Variants in DMD observed in about 807,000 individuals in gnomAD.
DMD encodes the protein mutant dystrophin.
Under a neutral mutation model 330.1 loss-of-function variants are expected in DMD, and 63 were observed. That is an observed-to-expected ratio of 0.19 (90% CI 0.16 to 0.24). The LOEUF is 0.24. Ranked by LOEUF, DMD falls within the 10% of genes least tolerant of loss-of-function variation. DMD has a pLI of 1.00. For synonymous variants in DMD, 1,223 were observed against 959.8 expected (o/e 1.27, Z -5.07); for missense variants, 3,344 against 2,684.1 (o/e 1.25, Z -5.43).
At position 31,670,914 on chromosome X, in the gene DMD, C is replaced by CT. The variant is rs751198197; in HGVS notation, c.7872+8460dup. Among the ~76,000 whole-genome samples, 658 of 96,619 alleles carry CT rather than the reference C, an allele frequency of 6.8e-3. 7 individuals carry two copies. Among genetic ancestry groups the CT allele is most frequent in the Admixed American group, 0.033 (297 of 8,976 alleles). 83.9% of individuals were successfully genotyped at this position (96,619 alleles called of 115,157 possible). A position where few individuals can be genotyped will look rare whatever the true frequency, so the allele number is the denominator to read the frequency against. Reference sequence around the variant, plus strand: ...GACACTATTCAATCCACAAAACCTTCTTTTTTTTTTTTTTTTTAGACGGAG... The same window carrying CT: ...GACACTATTCAATCCACAAAACCTTCTTTTTTTTTTTTTTTTTTAGACGGAG... On this transcript the variant is annotated intron_variant, in intron 53 of 78. Coordinates refer to ENST00000357033, the MANE Select transcript of DMD (RefSeq NM_004006.3).
chrX:32,656,203 G>A (rs1002898611), intron 9 of DMD, among the ~76,000 whole-genome samples: 45 of 111,880 alleles, frequency 4.0e-4, no homozygotes, highest in African/African-American at 1.3e-3. Context: ...TCATTAAGAC[G>A]TAAATGGGCA....
At chrX:31,776,670 CAGGA>C (rs2090685083) in intron 50 of DMD, among the ~76,000 whole-genome samples, 2 of 106,976 alleles carry the variant, frequency 1.9e-5, no homozygotes, top group African/African-American at 3.4e-5. Flanking sequence ...GGCAGGAAGG[CAGGA>C]AGGAAGGAAG....
chrX:32,060,721 A>T (rs182427969), intron 44 of DMD, among the ~76,000 whole-genome samples: 73 of 111,824 alleles, frequency 6.5e-4, no homozygotes, highest in African/African-American at 1.9e-3. Context: ...GGAGTATTTG[A>T]AAAAGAGACA....
chrX:31,712,946 T>C (rs5972436), intron 52 of DMD, among the ~76,000 whole-genome samples: 46,339 of 109,991 alleles, frequency 0.42, 7,989 homozygotes, highest in African/African-American at 0.62. Flanking sequence ...TATGATTTCT[T>C]CCTCAATTAG....
At chrX:32,851,774 T>C (rs1419922406) in intron 2 of DMD, among the ~76,000 whole-genome samples, 4 of 111,817 alleles carry the variant, frequency 3.6e-5, no homozygotes, top group African/African-American at 1.3e-4. Flanking sequence ...TGTGAAACGT[T>C]GCATTGGAAC....
At chrX:32,142,471 C>A (rs2096758378) in intron 44 of DMD, among the ~76,000 whole-genome samples, 3 of 112,282 alleles carry the variant, frequency 2.7e-5, no homozygotes, top group Admixed American at 1.9e-4. Flanking sequence ...ACAGAAAAGT[C>A]GAGAGCATTA....
At chrX:31,331,427 T>C (rs2057114326) in intron 61 of DMD, among the ~76,000 whole-genome samples, 2 of 108,834 alleles carry the variant, frequency 1.8e-5, no homozygotes, top group African/African-American at 6.7e-5. Flanking sequence ...TTGGGCGGCA[T>C]TACTCATGAA....
chrX:31,811,496 TA>T (rs1261162250), intron 50 of DMD, among the ~76,000 whole-genome samples: 2 of 112,372 alleles, frequency 1.8e-5, no homozygotes, highest in African/African-American at 6.5e-5. Flanking sequence ...TATGAATTTT[TA>T]AATTAATTAA....
chrX:31,993,709 C>CA (rs2095565548), intron 44 of DMD, among the ~76,000 whole-genome samples: 1 of 111,834 alleles, frequency 8.9e-6, no homozygotes, highest in Non-Finnish European at 1.9e-5. Context: ...TTAACAAAGA[C>CA]AAAAATGTGG....
intron 1 of DMD, among the ~76,000 whole-genome samples, chrX:33,282,461 G>C (rs2053350308): frequency 9.0e-6 from 1 of 111,453 alleles, no homozygotes; most frequent in South Asian, 3.8e-4. Flanking sequence ...TCCTGCACTA[G>C]GCCACTTAGA....
rs768871885 is a variant in DMD at position 31,507,451 on chromosome X, G to A, written c.8220C>T (p.Asp2740=). Residue 2740 remains aspartate, a splice_region_variant and synonymous_variant, in exon 56 of 79, where the codon GAC becomes GAT. Transcript: ENST00000357033. ...TGTGAGCTTCAATTTCACCTTGGAG[G>A]TCCTACAGGACAGCAGGAAGAAGAA... ...GVKELMKQWQ[D]LQGEIEAHTD... is the part of the protein sequence containing the mutation. The A allele has an allele frequency of 5.0e-6, 6 of 1,200,764 alleles. No individual in the cohort carries two copies. The Admixed American group carries it at 1.1e-4, about 22-fold the overall frequency.
In DMD at chrX:32,701,375, A is replaced by C. The variant is rs375427168; in HGVS notation, c.650-2082T>G. 8.9e-5 allele frequency among the ~76,000 whole-genome samples: 10 copies of C among 112,308 alleles called. No homozygotes were observed. In the South Asian group the frequency reaches 3.3e-3, roughly 37 times the overall value. On this transcript the variant is annotated intron_variant, in intron 7 of 78. Transcript: ENST00000357033. ...TAATTATTAATCAACAGATGGTCAA[A>C]GTAATTTTTGCAAGTACTTTTTAAA...
chrX:32,823,544 AT>A (rs1336701031), intron 4 of DMD, among the ~76,000 whole-genome samples, 157 bp from the exon 5 acceptor site: 3 of 112,140 alleles, frequency 2.7e-5, no homozygotes, highest in African/African-American at 9.7e-5. Flanking sequence ...AACAAAATGC[AT>A]GTGTAAAATC....
intron 30 of DMD, 103 bp from the exon 31 acceptor site, chrX:32,390,284 A>G: frequency 1.6e-6 from 1 of 611,575 alleles, no homozygotes; most frequent in Non-Finnish European, 2.7e-6. Context: ...TCTACCATGT[A>G]GCTTCCTTTA....
At chrX:32,887,770 A>AAAAAAAAAAAAAAAAAAAAACAAAAAAC (rs1383701636) in intron 2 of DMD, among the ~76,000 whole-genome samples, 1 of 70,337 alleles carries the variant, frequency 1.4e-5, no homozygotes, top group African/African-American at 5.3e-5. Flanking sequence ...AAAAAAAAAA[A>AAAAAAAAAAAAAAAAAAAAACAAAAAAC]AAAAAACATC....
rs2051913295 is a variant in DMD at position 33,211,498 on chromosome X, T to C, written c.-186A>G. Reference sequence around the variant, plus strand: ...AATTGCCTCCCAGATCTGAGTCCTGTAGGGGGAAAGTGAGTGATCCCAACA... The same window carrying C: ...AATTGCCTCCCAGATCTGAGTCCTGCAGGGGGAAAGTGAGTGATCCCAACA... On this transcript the variant is annotated 5_prime_UTR_variant, in exon 1 of 79. Transcript: ENST00000357033. 4 of 1,096,611 alleles carry C rather than the reference T, an allele frequency of 3.6e-6. No individual in the cohort carries two copies. Among genetic ancestry groups the C allele is most frequent in the Non-Finnish European group, 4.8e-6 (4 of 838,743 alleles). The allele number at this position is 1,096,611 out of a possible 1,213,427, so 90.4% of individuals were successfully genotyped here. A position where few individuals can be genotyped will look rare whatever the true frequency, so the allele number is the denominator to read the frequency against.
At chrX:31,980,819 C>A (rs2095471305) in intron 44 of DMD, among the ~76,000 whole-genome samples, 1 of 111,636 alleles carries the variant, frequency 9.0e-6, no homozygotes, top group African/African-American at 3.3e-5. Flanking sequence ...TCCTCCTCTC[C>A]CAAATAAGTC....
chrX:33,068,876 T>C (rs1162701620), intron 1 of DMD, among the ~76,000 whole-genome samples: 1 of 112,316 alleles, frequency 8.9e-6, no homozygotes, highest in African/African-American at 3.2e-5. Context: ...CAAAGTACCA[T>C]CTTGATCAGT....
chrX:32,590,498 G>GC (rs1186921735), intron 13 of DMD, among the ~76,000 whole-genome samples: 1 of 111,240 alleles, frequency 9.0e-6, no homozygotes, highest in Non-Finnish European at 1.9e-5. Flanking sequence ...GGAGAGGAAG[G>GC]CCCACCCTCA....
Sources: allele counts gnomAD v4.1 joint callset (sites outside exome capture counted in the v4.1 genomes callset), GRCh38; gene constraint gnomAD v4.1.1; transcripts MANE v1.5; gene names NCBI Gene and HGNC (gene_info 2026-07-23, HGNC 2026-07-21).